Variants in BICRAL observed in about 807,000 individuals in gnomAD.
The protein encoded by BICRAL is BICRA like chromatin remodeling complex associated protein, also known as BRD4-interacting chromatin-remodeling complex-associated protein-like.
BICRAL carries 8 observed loss-of-function variants against 91.8 expected under a neutral mutation model. The observed-to-expected ratio is 0.09, with a 90% CI of 0.05 to 0.16. The LOEUF (loss-of-function observed/expected upper bound fraction) is 0.16, where lower values mean the gene tolerates loss of function less well. Ranked by LOEUF, BICRAL falls within the 10% of genes least tolerant of loss-of-function variation. The pLI, the probability that BICRAL is intolerant of heterozygous loss-of-function variation, is 1.00. For missense variants in BICRAL, 1,038 were observed against 1,310.9 expected (o/e 0.79, Z 3.21); for synonymous variants, 445 against 491.1 (o/e 0.91, Z 1.24).
At chr6:42,863,349 C>T (rs572434915) in intron 12 of BICRAL, among the ~76,000 whole-genome samples, 8 of 152,008 alleles carry the variant, frequency 5.3e-5, no homozygotes, top group South Asian at 2.1e-4. Flanking sequence ...TGCCCAGCCA[C>T]GGACATTTCT....
At chr6:42,853,299 C>G (rs1462780385) in intron 7 of BICRAL, among the ~76,000 whole-genome samples, 5 of 151,342 alleles carry the variant, frequency 3.3e-5, no homozygotes, top group Non-Finnish European at 7.4e-5. Flanking sequence ...CCTCTTTGGG[C>G]CTCCCTTTCC....
At chr6:42,838,408 T>C (rs1248128170) in intron 6 of BICRAL, among the ~76,000 whole-genome samples, 1 of 152,160 alleles carries the variant, frequency 6.6e-6, no homozygotes, top group Non-Finnish European at 1.5e-5. Context: ...ACATGTTGGT[T>C]TGTCCCATTC....
intron 6 of BICRAL, among the ~76,000 whole-genome samples, chr6:42,845,413 C>T (rs939382797): frequency 6.6e-6 from 1 of 151,304 alleles, no homozygotes; most frequent in Admixed American, 6.6e-5. Flanking sequence ...TACCACAGTG[C>T]TGTGTACACA....
chr6:42,828,238 A>G (rs1582850283), intron 5 of BICRAL, among the ~76,000 whole-genome samples: 1 of 151,934 alleles, frequency 6.6e-6, no homozygotes, highest in African/African-American at 2.4e-5. Flanking sequence ...CATCTCTACT[A>G]AAAATACAAA....
intron 1 of BICRAL, among the ~76,000 whole-genome samples, chr6:42,761,942 TC>T (rs1294136356): frequency 4.6e-5 from 7 of 152,048 alleles, no homozygotes; most frequent in African/African-American, 2.4e-5. Flanking sequence ...CGTACTTCTT[TC>T]AGGATTATCG....
At chr6:42,855,976 T>C in intron 9 of BICRAL, 59 bp downstream of exon 9, 2 of 1,273,138 alleles carry the variant, frequency 1.6e-6, no homozygotes, top group Non-Finnish European at 2.3e-6. Flanking sequence ...TCCCTAGCCT[T>C]CAATAAATAT....
intron 1 of BICRAL, among the ~76,000 whole-genome samples, chr6:42,765,899 G>A (rs1199623064): frequency 1.3e-5 from 2 of 152,094 alleles, no homozygotes; most frequent in East Asian, 1.9e-4. Context: ...TGTAGAAATC[G>A]TTTAAAAAGA....
At chr6:42,836,037 A>G (rs941064342) in intron 6 of BICRAL, among the ~76,000 whole-genome samples, 1 of 152,206 alleles carries the variant, frequency 6.6e-6, no homozygotes, top group African/African-American at 2.4e-5. Context: ...CCCAACCTCC[A>G]GTTTCCTTCC....
intron 2 of BICRAL, among the ~76,000 whole-genome samples, chr6:42,818,782 C>A (rs998640846): frequency 2.6e-5 from 4 of 152,154 alleles, no homozygotes; most frequent in African/African-American, 9.7e-5. Flanking sequence ...ACCTTATTTT[C>A]CCCATATGGT....
chr6:42,805,511 C>T (rs1318693997), intron 1 of BICRAL, among the ~76,000 whole-genome samples: 3 of 152,148 alleles, frequency 2.0e-5, no homozygotes, highest in African/African-American at 7.2e-5. Context: ...TCCCTGTGTG[C>T]CTGCTTCTGT....
At chr6:42,822,752 A>G (rs1352521478) in intron 3 of BICRAL, 44 bp from the exon 4 acceptor site, 2 of 1,061,090 alleles carry the variant, frequency 1.9e-6, no homozygotes, top group Non-Finnish European at 2.9e-6. Flanking sequence ...TATAGATAGT[A>G]TATTTGTTTG....
In BICRAL at chr6:42,801,766, CA is replaced by C. The variant is rs146133967; in HGVS notation, c.-101-8539del. Among the ~76,000 whole-genome samples, 922 of 152,046 alleles carry C rather than the reference CA, an allele frequency of 6.1e-3. 10 individuals carry two copies. Among genetic ancestry groups the C allele is most frequent in the African/African-American group, 0.021 (891 of 41,460 alleles). On this transcript the variant is annotated intron_variant, in intron 1 of 12. Transcript: ENST00000314073. ...CTGTGGTGGCGCACACCTATAATCC[CA>C]GCTACTCAGGAGGCTGAGGCAGGAG...
At chr6:42,762,833 C>T (rs1360357844) in intron 1 of BICRAL, among the ~76,000 whole-genome samples, 1 of 151,644 alleles carries the variant, frequency 6.6e-6, no homozygotes, top group Non-Finnish European at 1.5e-5. Context: ...GTGACTGAGG[C>T]AGAGGATTGC....
chr6:42,752,887 G>A (rs981303704), intron 1 of BICRAL, among the ~76,000 whole-genome samples: 1 of 147,110 alleles, frequency 6.8e-6, no homozygotes, highest in African/African-American at 2.5e-5. Flanking sequence ...ACAGGTGTGA[G>A]CCACAGTGCC....
At chr6:42,832,502 A>C (rs1440815962) in intron 6 of BICRAL, among the ~76,000 whole-genome samples, 2 of 150,192 alleles carry the variant, frequency 1.3e-5, no homozygotes, top group African/African-American at 4.9e-5. Context: ...TTCACTAAGA[A>C]TCCTAGGGAA....
At chr6:42,835,353 T>C (rs1409886602) in intron 6 of BICRAL, among the ~76,000 whole-genome samples, 1 of 152,122 alleles carries the variant, frequency 6.6e-6, no homozygotes, top group African/African-American at 2.4e-5. Context: ...GGTCTCAAAC[T>C]CCTGACCTCT....
chr6:42,806,633 C>T (rs1361167908), intron 1 of BICRAL, among the ~76,000 whole-genome samples: 2 of 151,948 alleles, frequency 1.3e-5, no homozygotes, highest in African/African-American at 4.8e-5. Context: ...CCGCCTTAGC[C>T]TCCCATGTAG....
At chr6:42,845,018 GA>G (rs912329847) in intron 6 of BICRAL, among the ~76,000 whole-genome samples, 3 of 151,262 alleles carry the variant, frequency 2.0e-5, no homozygotes, top group Non-Finnish European at 2.9e-5. Flanking sequence ...TGACTAAAGG[GA>G]AAAAAAGGAT....
At chr6:42,822,897 T>A in intron 4 of BICRAL, 38 bp from the exon 5 acceptor site, 1 of 1,535,386 alleles carries the variant, frequency 6.5e-7, no homozygotes, top group Non-Finnish European at 9.0e-7. Flanking sequence ...GCTTTACAGT[T>A]AAAGTAGTAA....
Sources: gnomAD v4.1 joint callset for allele counts (sites outside exome capture counted in the v4.1 genomes callset) on GRCh38, gnomAD v4.1.1 for gene constraint, MANE v1.5 for transcripts, NCBI Gene and HGNC (gene_info 2026-07-23, HGNC 2026-07-21) for gene names.